Variants in PTER observed in about 807,000 individuals in gnomAD.
PTER encodes the protein phosphotriesterase related.
A neutral mutation model predicts 29.6 loss-of-function variants in PTER; 38 were observed. The ratio of observed to expected loss-of-function variants is 1.28; its 90% CI spans 0.99 to 1.68. The LOEUF is 1.68. PTER is among the 40% of genes most tolerant of loss of function. PTER has a pLI of 0.00. For synonymous variants in PTER, 172 were observed against 154.5 expected, an observed-to-expected ratio of 1.11 and a Z score of -0.84; for missense variants, 482 against 427.8, an observed-to-expected ratio of 1.13 and a Z score of -1.12.
intron 1 of PTER, among the ~76,000 whole-genome samples, chr10:16,445,732 C>T (rs920309276): frequency 6.6e-6 from 1 of 152,158 alleles, no homozygotes. Context: ...GTGCCTTCTG[C>T]CCAATGTCTT....
intron 1 of PTER, among the ~76,000 whole-genome samples, chr10:16,441,206 A>G (rs1051334006): frequency 6.6e-6 from 1 of 152,246 alleles, no homozygotes; most frequent in Non-Finnish European, 1.5e-5. Flanking sequence ...CACAATTTAT[A>G]TATTTTTAAC....
intron 1 of PTER, among the ~76,000 whole-genome samples, chr10:16,442,421 T>C (rs1004946130): frequency 5.9e-5 from 9 of 152,196 alleles, no homozygotes; most frequent in Non-Finnish European, 1.3e-4. Flanking sequence ...TAAAGATTTA[T>C]TTGGTCAGAG....
intron 1 of PTER, among the ~76,000 whole-genome samples, chr10:16,480,650 A>G (rs1014301757): frequency 2.0e-5 from 3 of 152,312 alleles, no homozygotes; most frequent in South Asian, 2.1e-4. Context: ...CACAGGTAAA[A>G]TAGAGTCCTG....
intron 1 of PTER, among the ~76,000 whole-genome samples, chr10:16,479,519 TG>T (rs1420635052): frequency 6.6e-6 from 1 of 152,164 alleles, no homozygotes; most frequent in Non-Finnish European, 1.5e-5. Context: ...AAAATATTTT[TG>T]TGACAAATCA....
In PTER at chr10:16,486,393, T is replaced by G; in HGVS notation, c.474T>G (p.Asp158Glu). The G allele has an allele frequency of 6.2e-7, 1 of 1,614,004 alleles. No homozygotes were observed. Among genetic ancestry groups the G allele is most frequent in the Non-Finnish European group, 8.5e-7 (1 of 1,179,910 alleles). ...VLMNEILHGADGTSIKCGIIG... is the reference protein window; with the variant it reads ...VLMNEILHGAEGTSIKCGIIG... The stretch of plus-strand genomic sequence containing the variant: ...TGAATGAAATTCTCCATGGAGCTGA[T>G]GGAACCAGTATCAAGTGTGGCATTA... The change falls in exon 3 of 5, where the codon GAT (aspartate) becomes GAG (glutamate). Residue 158 changes from aspartate (D) to glutamate (E), a missense_variant. By Grantham distance (45) the Asp-to-Glu change is conservative. Coordinates refer to ENST00000535784, the MANE Select transcript of PTER (RefSeq NM_001261836.2).
chr10:16,461,349 T>C (rs1434623903), intron 1 of PTER, among the ~76,000 whole-genome samples: 1 of 151,792 alleles, frequency 6.6e-6, no homozygotes, highest in East Asian at 1.9e-4. Context: ...TATATATACA[T>C]ATGAGTTAAT....
intron 3 of PTER, among the ~76,000 whole-genome samples, chr10:16,496,383 C>T (rs1223135233): frequency 3.9e-5 from 6 of 152,148 alleles, no homozygotes; most frequent in Non-Finnish European, 8.8e-5. Context: ...CTCGTTATTC[C>T]CAGTATGCAC....
chr10:16,440,075 T>TTC (rs1833792794), intron 1 of PTER, among the ~76,000 whole-genome samples: 1 of 151,194 alleles, frequency 6.6e-6, no homozygotes, highest in Admixed American at 6.6e-5. Flanking sequence ...AGATTTTTTT[T>TTC]TTTTTTTTGT....
At chr10:16,453,149 C>T (rs1366071535) in intron 1 of PTER, among the ~76,000 whole-genome samples, 1 of 152,088 alleles carries the variant, frequency 6.6e-6, no homozygotes, top group East Asian at 1.9e-4. Flanking sequence ...TTCCTGGGCT[C>T]AAGTGATTCT....
chr10:16,456,875 C>G (rs960013943), intron 1 of PTER, among the ~76,000 whole-genome samples: 2 of 136,662 alleles, frequency 1.5e-5, no homozygotes, highest in Non-Finnish European at 3.1e-5. Context: ...GGGGGGGTTC[C>G]GCCATGCTGT....
chr10:16,447,782 C>G (rs570917620), intron 1 of PTER, among the ~76,000 whole-genome samples: 1 of 152,240 alleles, frequency 6.6e-6, no homozygotes, highest in Non-Finnish European at 1.5e-5. Flanking sequence ...TGAACCAGAT[C>G]CTAGTCTTCT....
chr10:16,482,331 C>T (rs1004578618), intron 1 of PTER, among the ~76,000 whole-genome samples: 3 of 152,114 alleles, frequency 2.0e-5, no homozygotes, highest in Admixed American at 2.0e-4. Flanking sequence ...CACAAATTTT[C>T]CCCTTTGTTC....
chr10:16,511,450 A>G lies in PTER; in HGVS notation c.*194A>G. ...TGCCTCTAGGGAGTTACTCAGCCTA[A>G]TTGAGCCCTATTATTTTAACTTAAC... is the stretch of plus-strand genomic sequence containing the variant. On this transcript the variant is annotated 3_prime_UTR_variant, in exon 5 of 5. Transcript: ENST00000535784. 1 of 581,846 alleles carries G rather than the reference A, an allele frequency of 1.7e-6. No homozygotes were observed. Among genetic ancestry groups the G allele is most frequent in the Non-Finnish European group, 3.1e-6 (1 of 327,146 alleles). 36.0% of individuals were successfully genotyped at this position (581,846 alleles called of 1,614,324 possible).
intron 1 of PTER, among the ~76,000 whole-genome samples, chr10:16,445,543 A>G (rs1160659714): frequency 1.3e-5 from 2 of 152,170 alleles, no homozygotes; most frequent in African/African-American, 4.8e-5. Context: ...TGACATGTCT[A>G]TTACTTCCAT....
intron 3 of PTER, among the ~76,000 whole-genome samples, chr10:16,502,988 CAAAA>C (rs61446204): frequency 2.4e-5 from 1 of 41,358 alleles, no homozygotes; most frequent in Admixed American, 3.1e-4. Context: ...GACTCTGTCT[CAAAA>C]AAAAAAAAAA....
At chr10:16,477,279 GATAGATA>G (rs1835308347) in intron 1 of PTER, among the ~76,000 whole-genome samples, 2 of 140,994 alleles carry the variant, frequency 1.4e-5, no homozygotes, top group Admixed American at 1.4e-4. Context: ...TAGATAGATA[GATAGATA>G]GATAGATAGA....
chr10:16,467,875 GA>G (rs1834898166), intron 1 of PTER, among the ~76,000 whole-genome samples: 1 of 152,160 alleles, frequency 6.6e-6, no homozygotes, highest in Non-Finnish European at 1.5e-5. Flanking sequence ...CAGGAAAGTT[GA>G]AAAAGCAAAC....
At chr10:16,456,910 C>T (rs543223662) in intron 1 of PTER, among the ~76,000 whole-genome samples, 1 of 150,994 alleles carries the variant, frequency 6.6e-6, no homozygotes, top group Non-Finnish European at 1.5e-5. Flanking sequence ...ATAAGTCTCA[C>T]AAGATCTGAT....
At chr10:16,446,075 A>C (rs762692114) in intron 1 of PTER, among the ~76,000 whole-genome samples, 6 of 152,338 alleles carry the variant, frequency 3.9e-5, no homozygotes, top group Admixed American at 6.5e-5. Flanking sequence ...GGAGCAGCTC[A>C]GTGCATAAGT....
Sources: gnomAD v4.1 joint callset for allele counts (sites outside exome capture counted in the v4.1 genomes callset) on GRCh38, gnomAD v4.1.1 for gene constraint, MANE v1.5 for transcripts, NCBI Gene and HGNC (gene_info 2026-07-23, HGNC 2026-07-21) for gene names.